EPM2A: variants seen among roughly 807,000 people sequenced by gnomAD.
EPM2A encodes laforin.
A neutral mutation model predicts 26.5 loss-of-function variants in EPM2A; 21 were observed. The observed-to-expected ratio is 0.79, with a 90% CI of 0.56 to 1.14. EPM2A has a LOEUF of 1.14. Ranked by LOEUF, EPM2A falls within the 50% of genes most tolerant of loss-of-function variation. The pLI, the probability that EPM2A is intolerant of heterozygous loss-of-function variation, is 0.00. For missense variants in EPM2A, 458 were observed against 440.8 expected, an observed-to-expected ratio of 1.04 and a Z score of -0.35; for synonymous variants, 217 against 177.6, an observed-to-expected ratio of 1.22 and a Z score of -1.76.
chr6:145,693,176 T>C lies in EPM2A; in HGVS notation c.302-6880A>G, dbSNP rs117308721. Among the ~76,000 whole-genome samples the C allele has an allele frequency of 8.0e-3, 1,212 of 152,186 alleles. 6 individuals carry two copies. The highest frequency in any genetic ancestry group is 0.013 in the Non-Finnish European group (872 of 67,920). Reference sequence around the variant, plus strand: ...AGGTATTTTATTCTATTTGTGGCTATTGTAAATGGGATTTCATTCTTGATT... The same window carrying C: ...AGGTATTTTATTCTATTTGTGGCTACTGTAAATGGGATTTCATTCTTGATT... On this transcript the variant is annotated intron_variant, in intron 1 of 3. Transcript: ENST00000367519.
intron 2 of EPM2A, among the ~76,000 whole-genome samples, chr6:145,605,877 A>G (rs1775239603): frequency 6.6e-6 from 1 of 152,160 alleles, no homozygotes; most frequent in Non-Finnish European, 1.5e-5. Context: ...ACATTTAACA[A>G]GGTTAGGAAG....
intron 2 of EPM2A, among the ~76,000 whole-genome samples, chr6:145,578,021 G>C (rs1781058877): frequency 6.6e-6 from 1 of 151,958 alleles, no homozygotes; most frequent in Non-Finnish European, 1.5e-5. Context: ...GGAAACACAA[G>C]ATACCAAAAT....
intron 4 of EPM2A, among the ~76,000 whole-genome samples, chr6:145,474,972 G>C (rs1326472677): frequency 6.6e-6 from 1 of 152,182 alleles, no homozygotes; most frequent in African/African-American, 2.4e-5. Flanking sequence ...GGAAACAACA[G>C]ATGCTGGAGA....
chr6:145,539,972 T>C (rs766965132), intron 2 of EPM2A, among the ~76,000 whole-genome samples: 8 of 152,172 alleles, frequency 5.3e-5, no homozygotes, highest in Admixed American at 1.3e-4. Flanking sequence ...ACAGCTACTA[T>C]GACTCAGAGC....
intron 4 of EPM2A, among the ~76,000 whole-genome samples, chr6:145,438,572 C>T (rs1779019458): frequency 6.7e-6 from 1 of 149,168 alleles, no homozygotes; most frequent in African/African-American, 2.5e-5. Context: ...CTCTGGAGCT[C>T]AAGTGATTCT....
At chr6:145,591,666 A>G (rs1781274624) in intron 2 of EPM2A, among the ~76,000 whole-genome samples, 1 of 152,148 alleles carries the variant, frequency 6.6e-6, no homozygotes, top group African/African-American at 2.4e-5. Context: ...GCAGCAGCAG[A>G]CCTGCACCGT....
intron 2 of EPM2A, among the ~76,000 whole-genome samples, chr6:145,613,405 C>T (rs1201342252): frequency 1.3e-5 from 2 of 152,130 alleles, no homozygotes; most frequent in Admixed American, 6.5e-5. Flanking sequence ...TACCAAACTC[C>T]TTTTGCTGAC....
At chr6:145,439,811 C>G (rs1206334948) in intron 4 of EPM2A, among the ~76,000 whole-genome samples, 1 of 152,170 alleles carries the variant, frequency 6.6e-6, no homozygotes, top group Non-Finnish European at 1.5e-5. Flanking sequence ...TGCAGAATCT[C>G]TTTAACTTAT....
chr6:145,643,011 G>C (rs1777200487), intron 2 of EPM2A, among the ~76,000 whole-genome samples: 5 of 152,124 alleles, frequency 3.3e-5, no homozygotes. Context: ...AGACTAGAGA[G>C]GAAGAGGGAA....
At position 145,627,636 on chromosome 6, in the gene EPM2A, C is replaced by G. The variant is rs200641543; in HGVS notation, c.776G>C (p.Gly259Ala). ...GTTGCAGTGCACGTACACGATGTGT[C>G]CCTTCTCCAGCAGCGCATGCAGCAG... The part of the protein sequence containing the change: ...VCLLHALLEK[G>A]HIVYVHCNAG... The change falls in exon 4 of 4, where the codon GGA becomes GCA. Residue 259 changes from glycine (G) to alanine (A), a missense_variant. By Grantham distance (60) the Gly-to-Ala change is moderately conservative. Coordinates refer to ENST00000367519, the MANE Select transcript of EPM2A (RefSeq NM_005670.4). The G allele has an allele frequency of 6.2e-7, 1 of 1,614,216 alleles. No individual in the cohort carries two copies. The highest frequency in any genetic ancestry group is 1.1e-5 in the South Asian group (1 of 91,082).
intron 3 of EPM2A, chr6:145,631,848 TTC>T (rs753299374): frequency 1.1e-3 from 152 of 142,788 alleles, no homozygotes; most frequent in African/African-American, 2.7e-3. Flanking sequence ...CTTTCAGCCT[TTC>T]TCTCTCTCTC....
chr6:145,598,738 G>C (rs781625791), intron 2 of EPM2A, among the ~76,000 whole-genome samples: 6 of 152,036 alleles, frequency 3.9e-5, no homozygotes, highest in Non-Finnish European at 8.8e-5. Flanking sequence ...TATAATTTTG[G>C]CTTTTACAAT....
chr6:145,439,171 C>T (rs1356087693), intron 4 of EPM2A, among the ~76,000 whole-genome samples: 3 of 152,118 alleles, frequency 2.0e-5, no homozygotes, highest in African/African-American at 7.2e-5. Flanking sequence ...CATAGTATTC[C>T]ATGGTGTATA....
chr6:145,418,404 G>A (rs1023676573), intron 4 of EPM2A, among the ~76,000 whole-genome samples: 6 of 152,180 alleles, frequency 3.9e-5, no homozygotes, highest in African/African-American at 7.2e-5. Flanking sequence ...CAGGTGAGGG[G>A]AAAGGATGCC....
intron 4 of EPM2A, among the ~76,000 whole-genome samples, chr6:145,471,768 A>T (rs1779476853): frequency 6.6e-6 from 1 of 152,084 alleles, no homozygotes; most frequent in Non-Finnish European, 1.5e-5. Context: ...CACAAACCTC[A>T]CCACCTAGGG....
chr6:145,419,931 A>T (rs773077897), intron 4 of EPM2A, among the ~76,000 whole-genome samples: 1 of 152,168 alleles, frequency 6.6e-6, no homozygotes, highest in Non-Finnish European at 1.5e-5. Flanking sequence ...TTAAAGAAAT[A>T]TTGAAATCAA....
chr6:145,387,988 T>G (rs1307533104), intron 4 of EPM2A, among the ~76,000 whole-genome samples: 1 of 152,088 alleles, frequency 6.6e-6, no homozygotes, highest in East Asian at 1.9e-4. Context: ...TTCATTTGGG[T>G]GTTAACCACA....
chr6:145,466,171 C>CA (rs201248621), intron 4 of EPM2A, among the ~76,000 whole-genome samples: 2,185 of 145,238 alleles, frequency 0.015, 29 homozygotes, highest in Non-Finnish European at 0.021. Context: ...TTCTGCATAG[C>CA]AAAAAAAAAA....
At chr6:145,666,872 T>C (rs1430651861) in intron 2 of EPM2A, among the ~76,000 whole-genome samples, 1 of 147,972 alleles carries the variant, frequency 6.8e-6, no homozygotes, top group Non-Finnish European at 1.5e-5. Context: ...TACCTACAAC[T>C]ATCTGATCTT....
Sources: allele counts gnomAD v4.1 joint callset (sites outside exome capture counted in the v4.1 genomes callset), GRCh38; gene constraint gnomAD v4.1.1; transcripts MANE v1.5; gene names NCBI Gene and HGNC (gene_info 2026-07-23, HGNC 2026-07-21).